TRPC6: variants seen among roughly 807,000 people sequenced by gnomAD.
TRPC6 encodes transient receptor potential cation channel subfamily C member 6.
TRPC6 carries 55 observed loss-of-function variants against 90.7 expected under a neutral mutation model. That is an observed-to-expected ratio of 0.61 (90% confidence interval 0.49 to 0.76). The LOEUF (loss-of-function observed/expected upper bound fraction) is 0.76. Ranked by LOEUF, TRPC6 falls within the 30% of genes least tolerant of loss-of-function variation. TRPC6 has a pLI of 0.00. For synonymous variants in TRPC6, 393 were observed against 393.0 expected (o/e 1.00, Z 0.00); for missense variants, 989 against 1,122.7 (o/e 0.88, Z 1.70).
At chr11:101,470,567 A>G (rs182630437) in intron 9 of TRPC6, among the ~76,000 whole-genome samples, 1 of 152,152 alleles carries the variant, frequency 6.6e-6, no homozygotes, top group Non-Finnish European at 1.5e-5. Context: ...CAAATTCCAC[A>G]TGTTCTCTAA....
At position 101,583,627 on chromosome 11, in the gene TRPC6, G is replaced by A; in HGVS notation, c.-124C>T. The A allele has an allele frequency of 9.0e-7, 1 of 1,113,580 alleles. No individual in the cohort carries two copies. Among genetic ancestry groups the A allele is most frequent in the Non-Finnish European group, 1.2e-6 (1 of 839,270 alleles). 69.0% of individuals were successfully genotyped at this position (1,113,580 alleles called of 1,614,324 possible). ...CTGGACCTGGGCAGACCGGTGCCCA[G>A]GGGACGACGGTGAAGCAGGGGGTGC... On this transcript the variant is annotated 5_prime_UTR_variant, in exon 1 of 13. Coordinates refer to ENST00000344327, the MANE Select transcript of TRPC6 (RefSeq NM_004621.6).
intron 2 of TRPC6, among the ~76,000 whole-genome samples, chr11:101,497,339 GAC>G (rs1320143246): frequency 6.6e-6 from 1 of 152,164 alleles, no homozygotes; most frequent in East Asian, 1.9e-4. Context: ...TTTTGCTTGT[GAC>G]ACCCTTTGTC....
chr11:101,565,178 T>C (rs760765788), intron 1 of TRPC6, among the ~76,000 whole-genome samples: 7 of 152,148 alleles, frequency 4.6e-5, no homozygotes, highest in South Asian at 2.1e-4. Flanking sequence ...ACCAAAAGCA[T>C]AGACAACAAA....
Position 101,504,242 on chromosome 11 carries a change from C to G in TRPC6, c.727G>C (p.Ala243Pro), listed in dbSNP as rs766379236. The G allele has an allele frequency of 1.9e-6, 3 of 1,614,122 alleles. No homozygotes were observed. The highest frequency in any genetic ancestry group is 2.5e-6 in the Non-Finnish European group (3 of 1,179,988). ...TAATCATGAGGCCGTTCAATCCTAG[C>G]ACCCTTCCGCAGGAGGGTATGCACA... Reference protein sequence around the residue: ...EIVHTLLRKGARIERPHDYFC... With the variant: ...EIVHTLLRKGPRIERPHDYFC... The change falls in exon 2 of 13, where the codon GCT (alanine) becomes CCT (proline). Residue 243 changes from alanine (A) to proline (P), a missense_variant. Around this residue, in one of 4 missense-constraint regions of TRPC6, gnomAD observed 486 missense variants for 591.9 expected, o/e 0.82. Coordinates refer to ENST00000344327, the MANE Select transcript of TRPC6 (RefSeq NM_004621.6).
Position 101,527,217 on chromosome 11 carries a change from A to G in TRPC6, c.171-22419T>C, listed in dbSNP as rs1860800537. ...ATGTATACACCCTGTTAAATACCAA[A>G]TAGGGTTTCTTGGTTTGACAAGGCT... On this transcript the variant is annotated intron_variant, in intron 1 of 12. Coordinates refer to ENST00000344327, the MANE Select transcript of TRPC6 (RefSeq NM_004621.6). Among the ~76,000 whole-genome samples, 3 of 152,196 alleles carry G rather than the reference A, an allele frequency of 2.0e-5. 1 individual carries two copies. In the South Asian group the frequency reaches 6.2e-4, roughly 32 times the overall value.
chr11:101,486,288 G>T (rs1859678103), intron 4 of TRPC6, among the ~76,000 whole-genome samples: 1 of 151,956 alleles, frequency 6.6e-6, no homozygotes, highest in South Asian at 2.1e-4. Context: ...GGTAAAATTT[G>T]CCATCTATAT....
chr11:101,497,433 T>C (rs1290174834), intron 2 of TRPC6, among the ~76,000 whole-genome samples: 3 of 152,238 alleles, frequency 2.0e-5, no homozygotes, highest in Non-Finnish European at 4.4e-5. Context: ...TCTTGGAGGA[T>C]AGTTATCTTT....
intron 1 of TRPC6, among the ~76,000 whole-genome samples, chr11:101,512,032 T>C (rs1210177540): frequency 1.3e-5 from 2 of 151,928 alleles, no homozygotes; most frequent in African/African-American, 4.8e-5. Flanking sequence ...AAGGCAAAAC[T>C]AATATTTTCT....
rs561014682 is a variant in TRPC6, at chr11:101,574,453, T to C, written c.170+8881A>G. Among the ~76,000 whole-genome samples, 13 of 151,384 alleles carry C rather than the reference T, an allele frequency of 8.6e-5. No homozygotes were observed. The East Asian group carries it at 1.2e-3, about 13-fold the overall frequency. ...CATAAAATGTCAGAGCAGGTTACAA[T>C]TGATAGAAGCTTAGACTTCATGCTA... is the stretch of plus-strand genomic sequence containing the variant. On this transcript the variant is annotated intron_variant, in intron 1 of 12. Transcript: ENST00000344327.
intron 2 of TRPC6, among the ~76,000 whole-genome samples, chr11:101,499,822 TATATATATACACAGTATAAA>T: frequency 1.1e-5 from 1 of 92,404 alleles, no homozygotes; most frequent in Non-Finnish European, 2.2e-5. Flanking sequence ...AAAATGTGTA[TATATATATACACAGTATAAA>T]ATGTGTATAT....
At chr11:101,459,042 TA>T (rs1858945690) in intron 10 of TRPC6, among the ~76,000 whole-genome samples, 1 of 152,190 alleles carries the variant, frequency 6.6e-6, no homozygotes, top group South Asian at 2.1e-4. Context: ...ATGATTGCCT[TA>T]AAAAATCTTC....
intron 1 of TRPC6, among the ~76,000 whole-genome samples, chr11:101,579,165 C>A (rs1308654102): frequency 6.6e-6 from 1 of 152,064 alleles, no homozygotes; most frequent in Non-Finnish European, 1.5e-5. Context: ...TATGTCTCTG[C>A]ATTTTGGGTA....
intron 1 of TRPC6, among the ~76,000 whole-genome samples, chr11:101,505,072 AC>A (rs1565221975): frequency 6.6e-6 from 1 of 152,216 alleles, no homozygotes; most frequent in Non-Finnish European, 1.5e-5. Flanking sequence ...TCAGATAGAA[AC>A]TAATGTACTA....
At chr11:101,453,814 G>T in intron 11 of TRPC6, 89 bp from the exon 12 acceptor site, 3 of 1,237,896 alleles carry the variant, frequency 2.4e-6, no homozygotes, top group Non-Finnish European at 3.5e-6. Flanking sequence ...CTTCCTCCCT[G>T]TAGTGAGCCC....
chr11:101,476,317 C>T lies in TRPC6; in HGVS notation c.1728G>A (p.Val576=), dbSNP rs749538466. The change falls in exon 6 of 13, where the codon GTG becomes GTA. Residue 576 remains valine, a synonymous_variant. Transcript: ENST00000344327. The stretch of plus-strand genomic sequence containing the variant: ...TAAACTCACCCAAATTGTAGTATTT[C>T]ACATTGTCTCCCAATGTTACTTTCG... ...DLTKVTLGDN[V]KYYNLARIKW... The T allele has an allele frequency of 1.2e-6, 2 of 1,613,714 alleles. No homozygotes were observed. The highest frequency in any genetic ancestry group is 2.2e-5 in the South Asian group (2 of 91,042).
chr11:101,520,422 A>G (rs1860629589), intron 1 of TRPC6, among the ~76,000 whole-genome samples: 1 of 152,226 alleles, frequency 6.6e-6, no homozygotes, highest in Admixed American at 6.5e-5. Flanking sequence ...TGTGAGAACA[A>G]ACTAATATAG....
intron 7 of TRPC6, 64 bp downstream of exon 7, chr11:101,473,445 C>T (rs564826269): frequency 3.4e-4 from 529 of 1,568,574 alleles, no homozygotes; most frequent in Admixed American, 1.3e-3. Context: ...CTTACATAAA[C>T]GCTGTTAAAC....
In TRPC6 at chr11:101,491,833, A is replaced by ATTTTTTTTTTTT. The variant is rs200869151; in HGVS notation, c.946-96_946-95insAAAAAAAAAAAA. On this transcript the variant is annotated intron_variant, in intron 2 of 12. Transcript: ENST00000344327. ...AAGGATTTTATACTTTAAGAGAAAC[A>ATTTTTTTTTTTT]TTCTTTTTTTTTTTTTTTTTTTTTT... 21 of 782,354 alleles carry ATTTTTTTTTTTT rather than the reference A, an allele frequency of 2.7e-5. 1 individual carries two copies. The African/African-American group carries it at 4.1e-4, about 15-fold the overall frequency. 48.5% of individuals were successfully genotyped at this position (782,354 alleles called of 1,614,324 possible). A position where few individuals can be genotyped will look rare whatever the true frequency, so the allele number is the denominator to read the frequency against.
intron 1 of TRPC6, among the ~76,000 whole-genome samples, chr11:101,534,235 A>G (rs1860980540): frequency 6.6e-6 from 1 of 152,090 alleles, no homozygotes; most frequent in Non-Finnish European, 1.5e-5. Context: ...TCCCTGGTTC[A>G]AGAGATTTTG....
Sources: gnomAD v4.1 joint callset for allele counts (sites outside exome capture counted in the v4.1 genomes callset) on GRCh38, gnomAD v4.1.1 for gene constraint, gnomAD v4.1.1 regional missense constraint, MANE v1.5 for transcripts, NCBI Gene and HGNC (gene_info 2026-07-23, HGNC 2026-07-21) for gene names.